The following PKHD1 variants were observed in gnomAD, a reference collection of about 807,000 sequenced individuals.
The protein encoded by PKHD1 is PKHD1 ciliary IPT domain containing fibrocystin/polyductin.
Under a neutral mutation model 412.0 loss-of-function variants are expected in PKHD1, and 291 were observed. The observed-to-expected ratio is 0.71, with a 90% CI of 0.64 to 0.78. The LOEUF (loss-of-function observed/expected upper bound fraction) is 0.78. PKHD1 is among the 30% of genes least tolerant of loss of function. The pLI, the probability that PKHD1 is intolerant of heterozygous loss-of-function variation, is 0.00. For synonymous variants in PKHD1, 1,777 were observed against 1,821.5 expected (o/e 0.98, Z 0.62); for missense variants, 4,825 against 4,950.7 (o/e 0.97, Z 0.76).
At chr6:52,051,142 G>A (rs1213328609) in intron 21 of PKHD1, among the ~76,000 whole-genome samples, 1 of 152,164 alleles carries the variant, frequency 6.6e-6, no homozygotes, top group Non-Finnish European at 1.5e-5. Context: ...CAGTTCGAGG[G>A]TCAGTGATCA....
intron 60 of PKHD1, among the ~76,000 whole-genome samples, chr6:51,669,947 G>T (rs1292785902): frequency 2.0e-5 from 3 of 150,798 alleles, no homozygotes; most frequent in South Asian, 2.1e-4. Flanking sequence ...TACATTTGCT[G>T]AGGAGAGCTT....
intron 35 of PKHD1, among the ~76,000 whole-genome samples, chr6:51,988,272 A>G (rs749862778): frequency 2.0e-5 from 3 of 152,204 alleles, no homozygotes; most frequent in Non-Finnish European, 4.4e-5. Context: ...TGTACATTTC[A>G]TTATAGGTAA....
chr6:51,834,065 G>C (rs976599659), intron 51 of PKHD1, among the ~76,000 whole-genome samples: 3 of 152,096 alleles, frequency 2.0e-5, no homozygotes, highest in African/African-American at 4.8e-5. Flanking sequence ...CATCAACCCA[G>C]GTTTTCATGG....
chr6:52,085,238 G>A (rs1484877484), intron 1 of PKHD1, among the ~76,000 whole-genome samples: 1 of 48,900 alleles, frequency 2.0e-5, no homozygotes, highest in Non-Finnish European at 4.8e-5. Flanking sequence ...CTTATTTTAA[G>A]CTGGATAAAT....
chr6:51,643,213 T>G (rs12192780), intron 63 of PKHD1, among the ~76,000 whole-genome samples: 46,726 of 151,960 alleles, frequency 0.31, 7,782 homozygotes, highest in East Asian at 0.43. Flanking sequence ...CAGTTCGAAA[T>G]GCAATTCTGA....
chr6:51,999,254 T>G (rs543166590), intron 35 of PKHD1, among the ~76,000 whole-genome samples: 1 of 152,286 alleles, frequency 6.6e-6, no homozygotes, highest in Admixed American at 6.5e-5. Flanking sequence ...GTAACAGCCT[T>G]TATCTAAAAC....
chr6:51,910,748 G>T (rs1043250073), intron 39 of PKHD1, among the ~76,000 whole-genome samples: 2 of 151,744 alleles, frequency 1.3e-5, no homozygotes, highest in Non-Finnish European at 2.9e-5. Context: ...TGATAAAGTT[G>T]GGCAGTTGAT....
At chr6:51,764,942 A>AC (rs1271883915) in intron 55 of PKHD1, among the ~76,000 whole-genome samples, 1 of 151,990 alleles carries the variant, frequency 6.6e-6, no homozygotes, top group African/African-American at 2.4e-5. Flanking sequence ...TCTCTCTTCT[A>AC]CCCATGTCTT....
At chr6:51,670,173 TG>T (rs1341862713) in intron 60 of PKHD1, among the ~76,000 whole-genome samples, 2 of 149,584 alleles carry the variant, frequency 1.3e-5, no homozygotes, top group Non-Finnish European at 3.0e-5. Flanking sequence ...TATTAATGTG[TG>T]GGAGTCTAAG....
Position 51,632,778 on chromosome 6 carries a change from A to G in PKHD1, c.11507-55T>C, listed in dbSNP as rs562170799. 2.4e-5 allele frequency: 34 copies of G among 1,406,914 alleles called. No homozygotes were observed. The African/African-American group carries it at 3.6e-4, about 15-fold the overall frequency. The allele number at this position is 1,406,914 out of a possible 1,614,324, so 87.2% of individuals were successfully genotyped here. On this transcript the variant is annotated intron_variant, in intron 64 of 66. Coordinates refer to ENST00000371117, the MANE Select transcript of PKHD1 (RefSeq NM_138694.4). ...GATATGTTAATAAGATGCTAATATA[A>G]TTAAAATATGGTAAAAATAAATACA...
At chr6:51,789,887 A>C (rs1249367346) in intron 53 of PKHD1, among the ~76,000 whole-genome samples, 1 of 152,188 alleles carries the variant, frequency 6.6e-6, no homozygotes, top group Non-Finnish European at 1.5e-5. Context: ...AAGAGCCTGA[A>C]CCTATAGAAA....
At chr6:51,942,256 C>T (rs1452525965) in intron 36 of PKHD1, among the ~76,000 whole-genome samples, 1 of 151,540 alleles carries the variant, frequency 6.6e-6, no homozygotes, top group Non-Finnish European at 1.5e-5. Context: ...AAGTGCAGGG[C>T]TGTGCAGTCA....
chr6:51,664,634 C>A (rs1773421673), intron 60 of PKHD1, among the ~76,000 whole-genome samples: 1 of 152,124 alleles, frequency 6.6e-6, no homozygotes, highest in African/African-American at 2.4e-5. Flanking sequence ...CTCTAGTTGC[C>A]ATATTGTTAT....
chr6:51,892,457 G>A (rs1010001498), intron 43 of PKHD1, among the ~76,000 whole-genome samples: 2 of 152,162 alleles, frequency 1.3e-5, no homozygotes, highest in African/African-American at 4.8e-5. Context: ...AGAGAGAAGA[G>A]GGCTACTGGT....
intron 60 of PKHD1, among the ~76,000 whole-genome samples, chr6:51,677,620 C>G (rs1402790377): frequency 6.6e-6 from 1 of 152,142 alleles, no homozygotes; most frequent in Non-Finnish European, 1.5e-5. Flanking sequence ...CTACATAAAA[C>G]CAGCTATTGC....
intron 35 of PKHD1, among the ~76,000 whole-genome samples, chr6:51,990,792 G>A (rs1796960819): frequency 6.6e-6 from 1 of 150,722 alleles, no homozygotes; most frequent in African/African-American, 2.4e-5. Context: ...AACTTATTCA[G>A]CAGGCAGCAT....
intron 64 of PKHD1, among the ~76,000 whole-genome samples, chr6:51,634,250 A>G (rs1035314993): frequency 6.6e-6 from 1 of 152,090 alleles, no homozygotes; most frequent in Non-Finnish European, 1.5e-5. Flanking sequence ...GAACCTGACA[A>G]TTTTACTGGA....
intron 60 of PKHD1, among the ~76,000 whole-genome samples, chr6:51,704,073 T>G (rs481795): frequency 1.3e-5 from 2 of 151,810 alleles, no homozygotes; most frequent in Non-Finnish European, 2.9e-5. Flanking sequence ...ACATCTTCTA[T>G]CTTTCTTTAT....
At chr6:52,020,964 A>G (rs1801313539) in intron 33 of PKHD1, among the ~76,000 whole-genome samples, 1 of 152,150 alleles carries the variant, frequency 6.6e-6, no homozygotes, top group African/African-American at 2.4e-5. Flanking sequence ...ATCCAGTTTC[A>G]GCGGGTTAAC....
Sources: gnomAD v4.1 joint callset for allele counts (sites outside exome capture counted in the v4.1 genomes callset) on GRCh38, gnomAD v4.1.1 for gene constraint, MANE v1.5 for transcripts, NCBI Gene and HGNC (gene_info 2026-07-23, HGNC 2026-07-21) for gene names.